RRH: variants seen among roughly 807,000 people sequenced by gnomAD.
The protein encoded by RRH is retinal pigment epithelium-derived rhodopsin homolog.
In RRH, 36 loss-of-function variants were observed where a neutral mutation model predicts 33.1. That is an observed-to-expected ratio of 1.09 (90% confidence interval 0.83 to 1.44). The LOEUF (loss-of-function observed/expected upper bound fraction) is 1.44. Ranked by LOEUF, RRH falls within the 40% of genes most tolerant of loss-of-function variation. RRH has a pLI of 0.00. For synonymous variants in RRH, 124 were observed against 140.2 expected (o/e 0.88, Z 0.82); for missense variants, 393 against 420.2 (o/e 0.94, Z 0.57).
chr4:109,841,672 G>A (rs999213625), intron 5 of RRH, among the ~76,000 whole-genome samples: 7 of 152,016 alleles, frequency 4.6e-5, no homozygotes, highest in Admixed American at 6.5e-5. Context: ...TCTTTTTAAC[G>A]TTTATTTATT....
At chr4:109,837,794 A>C (rs1243758623) in intron 5 of RRH, among the ~76,000 whole-genome samples, 189 bp downstream of exon 5, 1 of 151,792 alleles carries the variant, frequency 6.6e-6, no homozygotes, top group African/African-American at 2.4e-5. Context: ...TTGTTTTTTG[A>C]AATGGAGTTT....
chr4:109,829,923 CT>C (rs1026241663), intron 1 of RRH, among the ~76,000 whole-genome samples: 4 of 152,180 alleles, frequency 2.6e-5, no homozygotes, highest in Admixed American at 2.0e-4. Flanking sequence ...GATCCCCTAA[CT>C]TTCCTCCTTT....
At chr4:109,836,818 G>A in intron 4 of RRH, among the ~76,000 whole-genome samples, 1 of 149,874 alleles carries the variant, frequency 6.7e-6, no homozygotes, top group East Asian at 2.0e-4. Context: ...ACTTTGTGAG[G>A]CTGGGGCAGG....
intron 1 of RRH, among the ~76,000 whole-genome samples, chr4:109,830,668 C>T (rs1047487405): frequency 6.6e-6 from 1 of 152,050 alleles, no homozygotes; most frequent in African/African-American, 2.4e-5. Flanking sequence ...AAAAGCTGGA[C>T]ACATGGGTTT....
chr4:109,834,411 G>A (rs1407818161), intron 2 of RRH, among the ~76,000 whole-genome samples: 1 of 149,016 alleles, frequency 6.7e-6, no homozygotes, highest in African/African-American at 2.5e-5. Context: ...CTCACTGCAA[G>A]CTCTGCCTTC....
At chr4:109,841,669 A>G (rs1214844291) in intron 5 of RRH, among the ~76,000 whole-genome samples, 1 of 152,056 alleles carries the variant, frequency 6.6e-6, no homozygotes, top group Non-Finnish European at 1.5e-5. Flanking sequence ...GGCTCTTTTT[A>G]ACGTTTATTT....
At chr4:109,837,712 C>G in intron 5 of RRH, 107 bp downstream of exon 5, 1 of 798,590 alleles carries the variant, frequency 1.3e-6, no homozygotes, top group South Asian at 1.5e-5. Context: ...ATCTCCAATT[C>G]TCACTCCCCA....
intron 1 of RRH, among the ~76,000 whole-genome samples, chr4:109,831,841 C>T (rs755384593): frequency 6.6e-6 from 1 of 152,040 alleles, no homozygotes; most frequent in Non-Finnish European, 1.5e-5. Flanking sequence ...GGAGAAGAAC[C>T]ATGGTTAAGT....
chr4:109,829,540 T>TA (rs2125891781), intron 1 of RRH, among the ~76,000 whole-genome samples: 1 of 152,240 alleles, frequency 6.6e-6, no homozygotes, highest in African/African-American at 2.4e-5. Context: ...ATAGTAATCT[T>TA]ACTACTACTG....
At chr4:109,842,407 T>TAG in intron 5 of RRH, 62 bp from the exon 6 acceptor site, 1 of 1,436,094 alleles carries the variant, frequency 7.0e-7, no homozygotes, top group Non-Finnish European at 9.7e-7. Flanking sequence ...TACCCAACTT[T>TAG]AGATATATTA....
intron 5 of RRH, among the ~76,000 whole-genome samples, chr4:109,842,010 GT>G (rs2125894503): frequency 6.6e-6 from 1 of 152,248 alleles, no homozygotes; most frequent in African/African-American, 2.4e-5. Context: ...AGTTTAGAAA[GT>G]TAGAAAGTTA....
chr4:109,838,095 T>C (rs1733922821), intron 5 of RRH, among the ~76,000 whole-genome samples: 1 of 152,176 alleles, frequency 6.6e-6, no homozygotes, highest in Non-Finnish European at 1.5e-5. Context: ...CCTTCTTATT[T>C]CTGAATGATA....
intron 1 of RRH, among the ~76,000 whole-genome samples, chr4:109,832,932 T>C (rs541243320): frequency 1.3e-5 from 2 of 152,304 alleles, no homozygotes; most frequent in South Asian, 4.1e-4. Context: ...AATTACCAGA[T>C]TCTTTGTGTT....
intron 1 of RRH, 67 bp from the exon 2 acceptor site, chr4:109,833,072 A>T: frequency 7.7e-7 from 1 of 1,293,076 alleles, no homozygotes; most frequent in Non-Finnish European, 1.1e-6. Context: ...TTAAATATTT[A>T]ATTTTGAGTC....
chr4:109,829,867 T>G (rs28419786), intron 1 of RRH, among the ~76,000 whole-genome samples: 2,432 of 152,262 alleles, frequency 0.016, 57 homozygotes, highest in African/African-American at 0.054. Flanking sequence ...AGCTGAACTC[T>G]TTATGCTTTT....
Position 109,844,096 on chromosome 4 carries a change from A to T in RRH, c.913A>T (p.Met305Leu). 1 of 1,612,840 alleles carries T rather than the reference A, an allele frequency of 6.2e-7. No individual in the cohort carries two copies. Among genetic ancestry groups the T allele is most frequent in the South Asian group, 1.1e-5 (1 of 91,050 alleles). Residue 305 changes from methionine (M) to leucine (L), a missense_variant, in exon 7 of 7, where the codon ATG (methionine) becomes TTG (leucine). By Grantham distance (15) the Met-to-Leu change is conservative. Transcript: ENST00000317735. ...VVANKKFRRA[M>L]LAMFKCQTHQ... ...TTTTTATCGTAGGTTTCGGAGGGCAATGCTTGCCATGTTCAAATGTCAGAC... is the reference window on the plus strand; with the variant it reads ...TTTTTATCGTAGGTTTCGGAGGGCATTGCTTGCCATGTTCAAATGTCAGAC...
chr4:109,828,381 G>A (rs1343583362), intron 1 of RRH, among the ~76,000 whole-genome samples: 2 of 152,088 alleles, frequency 1.3e-5, no homozygotes, highest in African/African-American at 2.4e-5. Flanking sequence ...ATTGCCACAG[G>A]TTATTTTGAA....
At chr4:109,840,951 G>T (rs1347810029) in intron 5 of RRH, among the ~76,000 whole-genome samples, 2 of 151,260 alleles carry the variant, frequency 1.3e-5, no homozygotes, top group Non-Finnish European at 2.9e-5. Context: ...ATTATTATTT[G>T]CTCTCACTGT....
intron 2 of RRH, among the ~76,000 whole-genome samples, chr4:109,834,958 AT>A (rs1733848409): frequency 6.6e-6 from 1 of 152,114 alleles, no homozygotes; most frequent in African/African-American, 2.4e-5. Flanking sequence ...TGTATGTCTT[AT>A]GTTATAAACA....
Sources: gnomAD v4.1 joint callset for allele counts (sites outside exome capture counted in the v4.1 genomes callset) on GRCh38, gnomAD v4.1.1 for gene constraint, MANE v1.5 for transcripts, NCBI Gene and HGNC (gene_info 2026-07-23, HGNC 2026-07-21) for gene names.